CREB1: variants seen among roughly 807,000 people sequenced by gnomAD.
CREB1 encodes cAMP responsive element binding protein 1, also known as cyclic AMP-responsive element-binding protein 1.
Under a neutral mutation model 42.0 loss-of-function variants are expected in CREB1, and 2 were observed. That is an observed-to-expected ratio of 0.05 (90% CI 0.02 to 0.15). The LOEUF (loss-of-function observed/expected upper bound fraction) is 0.15. Among genes scored for constraint, CREB1 ranks in the 10% least tolerant of loss-of-function variants. The probability of loss-of-function intolerance (pLI) is 1.00; values close to 1 mark genes in which losing one functional copy is unlikely to be tolerated. For missense variants in CREB1, 199 were observed against 388.9 expected (o/e 0.51, Z 4.11); for synonymous variants, 123 against 139.9 (o/e 0.88, Z 0.85).
chr2:207,594,587 G>A (rs1004226773), intron 7 of CREB1, among the ~76,000 whole-genome samples: 4 of 152,172 alleles, frequency 2.6e-5, no homozygotes, highest in Admixed American at 2.0e-4. Context: ...TACATTGTAT[G>A]TATATACCAC....
chr2:207,564,852 CAGAA>C (rs1486096792), intron 3 of CREB1, among the ~76,000 whole-genome samples: 23 of 151,874 alleles, frequency 1.5e-4, no homozygotes, highest in African/African-American at 5.3e-4. Context: ...TTAAGGAATT[CAGAA>C]AGAAGTTAAT....
At chr2:207,557,910 A>T (rs946928466) in intron 2 of CREB1, among the ~76,000 whole-genome samples, 2 of 152,212 alleles carry the variant, frequency 1.3e-5, no homozygotes, top group Admixed American at 1.3e-4. Flanking sequence ...GAAAGAGAAC[A>T]TAGTAATTGC....
At chr2:207,565,730 A>G (rs181024360) in intron 3 of CREB1, among the ~76,000 whole-genome samples, 6 of 152,280 alleles carry the variant, frequency 3.9e-5, no homozygotes, top group African/African-American at 1.4e-4. Flanking sequence ...GGACACAGAA[A>G]GAGCCACAGA....
chr2:207,571,386 T>C (rs1182868280), intron 5 of CREB1, among the ~76,000 whole-genome samples: 1 of 152,204 alleles, frequency 6.6e-6, no homozygotes, highest in African/African-American at 2.4e-5. Context: ...CATGTTATTT[T>C]TTAGTTCCAG....
chr2:207,560,911 T>G (rs1350932308), intron 3 of CREB1, among the ~76,000 whole-genome samples: 1 of 152,206 alleles, frequency 6.6e-6, no homozygotes, highest in East Asian at 1.9e-4. Flanking sequence ...ATGCATGTTA[T>G]CTAATTCTTT....
At chr2:207,553,589 A>G (rs2709400) in intron 1 of CREB1, among the ~76,000 whole-genome samples, 23,675 of 152,190 alleles carry the variant, frequency 0.16, 2,007 homozygotes, top group Middle Eastern at 0.21. Context: ...TGGTAATTTC[A>G]TATAAAAAAG....
At chr2:207,561,806 G>C (rs868339491) in intron 3 of CREB1, among the ~76,000 whole-genome samples, 7 of 152,230 alleles carry the variant, frequency 4.6e-5, no homozygotes, top group South Asian at 2.1e-4. Flanking sequence ...TGTCCTGGAA[G>C]CATTCTATTA....
intron 3 of CREB1, among the ~76,000 whole-genome samples, chr2:207,562,062 A>G (rs2081976779): frequency 6.6e-6 from 1 of 152,188 alleles, no homozygotes; most frequent in Non-Finnish European, 1.5e-5. Flanking sequence ...AGAACTTGAT[A>G]TTTCTATGAA....
At chr2:207,545,731 C>CTTT (rs11356093) in intron 1 of CREB1, among the ~76,000 whole-genome samples, 1 of 136,884 alleles carries the variant, frequency 7.3e-6, no homozygotes, top group African/African-American at 2.7e-5. Context: ...AGGAAGTGAA[C>CTTT]TTTTTTTTTT....
At chr2:207,543,999 A>G (rs1198690685) in intron 1 of CREB1, among the ~76,000 whole-genome samples, 3 of 152,034 alleles carry the variant, frequency 2.0e-5, no homozygotes, top group African/African-American at 7.3e-5. Flanking sequence ...AGCTCACTGC[A>G]AGCTCTGCCT....
In CREB1 at chr2:207,532,335, AAAAAG is replaced by A. The variant is rs199819964; in HGVS notation, c.-9+2205_-9+2209del. Among the ~76,000 whole-genome samples, 1,484 of 151,932 alleles carry A rather than the reference AAAAAG, an allele frequency of 9.8e-3. 27 individuals carry two copies. The highest frequency in any genetic ancestry group is 0.034 in the African/African-American group (1,423 of 41,374). On this transcript the variant is annotated intron_variant, in intron 1 of 7. Transcript: ENST00000353267. ...AGACTCCGTCTCAAAGAAAAAAAAA[AAAAAG>A]AAAGAATATATGACTCTTCATTTGT...
At chr2:207,560,148 A>G in intron 2 of CREB1, 78 bp from the exon 3 acceptor site, 1 of 1,361,284 alleles carries the variant, frequency 7.3e-7, no homozygotes, top group Non-Finnish European at 9.7e-7. Flanking sequence ...TTGCTTCTAA[A>G]AAGTTATTTC....
At chr2:207,566,860 T>C (rs1429367346) in intron 3 of CREB1, among the ~76,000 whole-genome samples, 2 of 152,220 alleles carry the variant, frequency 1.3e-5, no homozygotes, top group African/African-American at 4.8e-5. Context: ...TATTCACTTA[T>C]CTTCATTACT....
At chr2:207,555,900 A>G (rs1574823323) in intron 2 of CREB1, 151 bp downstream of exon 2, 1 of 552,900 alleles carries the variant, frequency 1.8e-6, no homozygotes, top group Non-Finnish European at 3.3e-6. Context: ...ATTAGAGTAT[A>G]TTTAGAAATG....
intron 1 of CREB1, among the ~76,000 whole-genome samples, chr2:207,539,354 C>T (rs761640409): frequency 6.6e-5 from 10 of 151,776 alleles, no homozygotes; most frequent in Non-Finnish European, 1.5e-4. Flanking sequence ...TATTTGTACT[C>T]TTAAAGGGGA....
intron 3 of CREB1, among the ~76,000 whole-genome samples, chr2:207,562,187 A>G (rs2106492697): frequency 6.6e-6 from 1 of 152,292 alleles, no homozygotes; most frequent in South Asian, 2.1e-4. Flanking sequence ...CCTCTTAGTA[A>G]TAGTGAGAAA....
intron 1 of CREB1, among the ~76,000 whole-genome samples, chr2:207,545,790 A>G (rs891131821): frequency 4.0e-5 from 6 of 149,332 alleles, no homozygotes; most frequent in African/African-American, 7.4e-5. Context: ...CTAGAGTGCA[A>G]TGGCGCAATC....
intron 7 of CREB1, among the ~76,000 whole-genome samples, chr2:207,585,073 A>G (rs2083581835): frequency 6.6e-6 from 1 of 151,892 alleles, no homozygotes; most frequent in Non-Finnish European, 1.5e-5. Context: ...GTGCCTGAGG[A>G]TTGGTTGGTC....
intron 7 of CREB1, chr2:207,582,868 G>GTGACA: frequency 2.2e-5 from 7 of 317,372 alleles, no homozygotes; most frequent in Non-Finnish European, 4.4e-5. Context: ...TCCAGCCTGA[G>GTGACA]TGACAGAGTG....
Sources: allele counts gnomAD v4.1 joint callset (sites outside exome capture counted in the v4.1 genomes callset), GRCh38; gene constraint gnomAD v4.1.1; transcripts MANE v1.5; gene names NCBI Gene and HGNC (gene_info 2026-07-23, HGNC 2026-07-21).